The following SMYD3 variants were observed in gnomAD, a reference collection of about 807,000 sequenced individuals.
SMYD3 encodes the protein histone-lysine N-methyltransferase SMYD3.
In SMYD3, 36 loss-of-function variants were observed where a neutral mutation model predicts 57.7. That is an observed-to-expected ratio of 0.62 (90% CI 0.48 to 0.82). SMYD3 has a LOEUF of 0.82. Ranked by LOEUF, SMYD3 falls within the 40% of genes least tolerant of loss-of-function variation. SMYD3 has a pLI of 0.00. For synonymous variants in SMYD3, 211 were observed against 195.0 expected (o/e 1.08, Z -0.68); for missense variants, 515 against 538.8 (o/e 0.96, Z 0.44).
intron 1 of SMYD3, among the ~76,000 whole-genome samples, chr1:246,406,871 T>C (rs139476700): frequency 3.3e-5 from 5 of 152,322 alleles, no homozygotes; most frequent in Admixed American, 2.6e-4. Flanking sequence ...AAACAACACC[T>C]TTCCCAAGCT....
intron 1 of SMYD3, among the ~76,000 whole-genome samples, chr1:246,376,589 TAAAAAAA>T (rs55996523): frequency 4.7e-5 from 4 of 85,176 alleles, no homozygotes; most frequent in Non-Finnish European, 6.5e-5. Context: ...ACACTCCATC[TAAAAAAA>T]AAAAAAAAAA....
At chr1:246,383,251 A>G (rs1420860163) in intron 1 of SMYD3, among the ~76,000 whole-genome samples, 12 of 152,120 alleles carry the variant, frequency 7.9e-5, no homozygotes. Flanking sequence ...AGCAGGATCT[A>G]CCAGCTGGGA....
chr1:246,123,144 T>C lies in SMYD3; in HGVS notation c.532-193207A>G, dbSNP rs139397990. On this transcript the variant is annotated intron_variant, in intron 5 of 11. Transcript: ENST00000490107. Reference sequence around the variant, plus strand: ...AGTTCAAAATCACAGATATCTGACATTTGGAAGTGCCAGAACACCTTTCAA... The same window carrying C: ...AGTTCAAAATCACAGATATCTGACACTTGGAAGTGCCAGAACACCTTTCAA... Among the ~76,000 whole-genome samples the C allele has an allele frequency of 1.4e-4, 21 of 152,296 alleles. No individual in the cohort carries two copies. The East Asian group carries it at 4.1e-3, about 29-fold the overall frequency.
At chr1:246,296,459 A>C (rs1227906347) in intron 5 of SMYD3, among the ~76,000 whole-genome samples, 3 of 152,228 alleles carry the variant, frequency 2.0e-5, no homozygotes, top group Non-Finnish European at 4.4e-5. Context: ...CATTCATGAC[A>C]GAAGAAACTG....
At chr1:246,072,806 CT>C (rs35806784) in intron 5 of SMYD3, among the ~76,000 whole-genome samples, 1 of 151,876 alleles carries the variant, frequency 6.6e-6, no homozygotes, top group Non-Finnish European at 1.5e-5. Flanking sequence ...ATGAGACAGA[CT>C]TTTCTTCTGC....
At chr1:246,107,984 G>A (rs1221319970) in intron 5 of SMYD3, among the ~76,000 whole-genome samples, 1 of 152,208 alleles carries the variant, frequency 6.6e-6, no homozygotes, top group Non-Finnish European at 1.5e-5. Context: ...TTACTGAGTT[G>A]TCACTAAGGA....
chr1:246,050,208 C>T (rs995408161), intron 5 of SMYD3, among the ~76,000 whole-genome samples: 6 of 152,166 alleles, frequency 3.9e-5, no homozygotes, highest in South Asian at 2.1e-4. Flanking sequence ...AAGAGGATCA[C>T]GCAAAAACAC....
chr1:246,055,037 G>A (rs1248911676), intron 5 of SMYD3, among the ~76,000 whole-genome samples: 4 of 151,992 alleles, frequency 2.6e-5, no homozygotes, highest in African/African-American at 7.2e-5. Context: ...TTAGCCGGGC[G>A]TGGTGGTGGG....
intron 5 of SMYD3, among the ~76,000 whole-genome samples, chr1:246,065,825 C>A (rs1410440124): frequency 1.3e-5 from 2 of 152,144 alleles, no homozygotes; most frequent in Non-Finnish European, 2.9e-5. Context: ...TCAATAGATT[C>A]CACCTAAGAA....
At chr1:246,044,530 C>T (rs2059930747) in intron 5 of SMYD3, among the ~76,000 whole-genome samples, 1 of 152,098 alleles carries the variant, frequency 6.6e-6, no homozygotes, top group African/African-American at 2.4e-5. Flanking sequence ...ATAGATCAGT[C>T]AGGCTCCGTC....
chr1:245,880,233 A>T (rs1046402023), intron 8 of SMYD3, among the ~76,000 whole-genome samples: 13 of 152,244 alleles, frequency 8.5e-5, no homozygotes, highest in African/African-American at 3.1e-4. Flanking sequence ...TTCCATGGAG[A>T]TTATACAAGT....
At chr1:246,122,267 C>A (rs12032851) in intron 5 of SMYD3, among the ~76,000 whole-genome samples, 3,077 of 151,962 alleles carry the variant, frequency 0.02, 142 homozygotes, top group East Asian at 0.15. Flanking sequence ...AAAAAATTAG[C>A]CAGCAATGGT....
chr1:246,340,589 G>A lies in SMYD3; in HGVS notation c.229-5115C>T, dbSNP rs967466810. Among the ~76,000 whole-genome samples, 4 of 152,030 alleles carry A rather than the reference G, an allele frequency of 2.6e-5. No homozygotes were observed. The East Asian group carries it at 7.7e-4, about 29-fold the overall frequency. ...GTATTTAGAAGCATCTAGGATTTGGGGAAATAGGCATTTTCCAGCCTTGTT... is the reference window on the plus strand; with the variant it reads ...GTATTTAGAAGCATCTAGGATTTGGAGAAATAGGCATTTTCCAGCCTTGTT... On this transcript the variant is annotated intron_variant, in intron 2 of 11. Coordinates refer to ENST00000490107, the MANE Select transcript of SMYD3 (RefSeq NM_001167740.2).
At chr1:246,427,703 A>C (rs1318834002) in intron 1 of SMYD3, among the ~76,000 whole-genome samples, 2 of 151,998 alleles carry the variant, frequency 1.3e-5, no homozygotes, top group African/African-American at 2.4e-5. Context: ...ATCTCTACAA[A>C]AATTTTAAAA....
intron 5 of SMYD3, among the ~76,000 whole-genome samples, chr1:246,218,259 A>G (rs1367696685): frequency 6.6e-6 from 1 of 151,832 alleles, no homozygotes; most frequent in Non-Finnish European, 1.5e-5. Flanking sequence ...GGAACATAAG[A>G]TTCAAGATAG....
chr1:245,909,172 A>C (rs1158186038), intron 8 of SMYD3, among the ~76,000 whole-genome samples: 2 of 152,192 alleles, frequency 1.3e-5, no homozygotes, highest in Non-Finnish European at 2.9e-5. Context: ...GACTGTTAGC[A>C]ACAACTGTAT....
At chr1:246,051,819 T>C (rs1336562544) in intron 5 of SMYD3, among the ~76,000 whole-genome samples, 2 of 152,212 alleles carry the variant, frequency 1.3e-5, no homozygotes, top group Non-Finnish European at 2.9e-5. Context: ...CTTCTCTTAT[T>C]AATCATGCTG....
chr1:246,268,958 T>C (rs1180216164), intron 5 of SMYD3, among the ~76,000 whole-genome samples: 1 of 131,754 alleles, frequency 7.6e-6, no homozygotes, highest in African/African-American at 2.6e-5. Flanking sequence ...GTTAACCCAA[T>C]TAACCCTAAA....
intron 10 of SMYD3, among the ~76,000 whole-genome samples, chr1:245,804,490 G>A (rs1050909102): frequency 8.6e-5 from 13 of 151,994 alleles, no homozygotes; most frequent in Admixed American, 2.0e-4. Flanking sequence ...CCTGGGAGGC[G>A]GAGCTTGCAT....
Sources: gnomAD v4.1 joint callset for allele counts (sites outside exome capture counted in the v4.1 genomes callset) on GRCh38, gnomAD v4.1.1 for gene constraint, MANE v1.5 for transcripts, NCBI Gene and HGNC (gene_info 2026-07-23, HGNC 2026-07-21) for gene names.